The following CDH4 variants were observed in gnomAD, a reference collection of about 807,000 sequenced individuals.
CDH4 encodes the protein cadherin 4.
A neutral mutation model predicts 86.0 loss-of-function variants in CDH4; 33 were observed. The ratio of observed to expected loss-of-function variants is 0.38; its 90% CI spans 0.29 to 0.51. The LOEUF (loss-of-function observed/expected upper bound fraction) is 0.51. CDH4 is among the 20% of genes least tolerant of loss of function. The pLI, the probability that CDH4 is intolerant of heterozygous loss-of-function variation, is 0.86. For missense variants in CDH4, 1,114 were observed against 1,307.4 expected (o/e 0.85, Z 2.28); for synonymous variants, 555 against 549.4 (o/e 1.01, Z -0.14).
intron 2 of CDH4, among the ~76,000 whole-genome samples, chr20:61,664,663 C>CT (rs1480658802): frequency 6.6e-6 from 1 of 152,236 alleles, no homozygotes; most frequent in Non-Finnish European, 1.5e-5. Flanking sequence ...GAGATAGAGC[C>CT]TGGGCAGCCC....
chr20:61,570,372 G>A (rs1472946494), intron 2 of CDH4: 4 of 345,256 alleles, frequency 1.2e-5, no homozygotes, highest in Non-Finnish European at 2.1e-5. Context: ...ACAGGAAAGA[G>A]TGCCCTGGTT....
intron 2 of CDH4, among the ~76,000 whole-genome samples, chr20:61,689,042 A>T (rs1364654430): frequency 6.6e-6 from 1 of 152,240 alleles, no homozygotes; most frequent in East Asian, 1.9e-4. Flanking sequence ...TCTTGGGAGG[A>T]TACCATGTTC....
At chr20:61,742,153 G>A (rs1015321054) in intron 2 of CDH4, among the ~76,000 whole-genome samples, 5 of 147,568 alleles carry the variant, frequency 3.4e-5, no homozygotes, top group Admixed American at 6.7e-5. Context: ...TAATGATTCC[G>A]TCCTTAGAAG....
intron 2 of CDH4, among the ~76,000 whole-genome samples, chr20:61,442,038 C>T (rs766272016): frequency 3.9e-5 from 6 of 152,184 alleles, no homozygotes; most frequent in Non-Finnish European, 5.9e-5. Context: ...GTGATGAGCA[C>T]GAATGTGACC....
intron 2 of CDH4, among the ~76,000 whole-genome samples, chr20:61,549,250 G>A (rs141484419): frequency 1.1e-3 from 168 of 152,236 alleles, no homozygotes; most frequent in Non-Finnish European, 1.9e-3. Context: ...AGTGACAGTC[G>A]CTGGTTAAAG....
chr20:61,375,930 G>A (rs1220950378), intron 2 of CDH4, among the ~76,000 whole-genome samples: 3 of 91,396 alleles, frequency 3.3e-5, no homozygotes, highest in African/African-American at 1.2e-4. Flanking sequence ...TGGTGCTGGT[G>A]ATGATGGTGG....
At position 61,452,129 on chromosome 20, in the gene CDH4, G is replaced by A. The variant is rs557269858; in HGVS notation, c.169+197192G>A. On this transcript the variant is annotated intron_variant, in intron 2 of 15. Coordinates refer to ENST00000614565, the MANE Select transcript of CDH4 (RefSeq NM_001794.5). ...TGCTTGGGCTCCACTGCAGAGTTGC[G>A]CGGCTGGTGGAGGCTTGTGCTCAGG... Among the ~76,000 whole-genome samples the A allele has an allele frequency of 5.9e-5, 9 of 152,268 alleles. No homozygotes were observed. The East Asian group carries it at 9.7e-4, about 16-fold the overall frequency.
chr20:61,771,170 C>G lies in CDH4; in HGVS notation c.397-1833C>G, dbSNP rs2088772337. Among the ~76,000 whole-genome samples the G allele has an allele frequency of 2.0e-5, 3 of 151,582 alleles. No homozygotes were observed. In the East Asian group the frequency reaches 6.1e-4, roughly 31 times the overall value. On this transcript the variant is annotated intron_variant, in intron 3 of 15. Transcript: ENST00000614565. ...GGACTACAGGCATGTGCCACCACAC[C>G]TGCCTAATTTTAGATTTTTAGTAGA...
intron 2 of CDH4, among the ~76,000 whole-genome samples, chr20:61,652,676 C>T (rs1341961514): frequency 6.6e-6 from 1 of 151,858 alleles, no homozygotes; most frequent in East Asian, 1.9e-4. Context: ...TCCATACATC[C>T]CCACCATTGG....
chr20:61,275,005 A>C (rs989745538), intron 2 of CDH4, among the ~76,000 whole-genome samples: 1 of 86,520 alleles, frequency 1.2e-5, no homozygotes, highest in African/African-American at 4.7e-5. Flanking sequence ...CAGTTTGGGG[A>C]AGCACCATGC....
intron 2 of CDH4, among the ~76,000 whole-genome samples, chr20:61,583,647 C>CTG (rs1432773955): frequency 6.6e-6 from 1 of 152,192 alleles, no homozygotes; most frequent in Non-Finnish European, 1.5e-5. Flanking sequence ...TGATCTCTCT[C>CTG]CACTTTCCTC....
chr20:61,545,803 G>A lies in CDH4; in HGVS notation c.170-197760G>A, dbSNP rs566867891. On this transcript the variant is annotated intron_variant, in intron 2 of 15. Transcript: ENST00000614565. ...TGTGCATGTGTTTGGGGGGTATGTG[G>A]GATACGGTGCGTGTTCACATGTGTG... 2.7e-4 allele frequency among the ~76,000 whole-genome samples: 41 copies of A among 151,986 alleles called. 1 individual carries two copies. Among genetic ancestry groups the A allele is most frequent in the Admixed American group, 1.5e-3 (23 of 15,252 alleles).
At chr20:61,521,710 T>C (rs950100868) in intron 2 of CDH4, among the ~76,000 whole-genome samples, 3 of 152,098 alleles carry the variant, frequency 2.0e-5, no homozygotes, top group Non-Finnish European at 2.9e-5. Flanking sequence ...TAATTCATAA[T>C]AAGAGGGGGG....
At chr20:61,463,486 T>C (rs143408223) in intron 2 of CDH4, among the ~76,000 whole-genome samples, 21 of 152,332 alleles carry the variant, frequency 1.4e-4, no homozygotes, top group African/African-American at 4.6e-4. Flanking sequence ...AGGAGTGGAC[T>C]CAGAATCCTG....
intron 2 of CDH4, among the ~76,000 whole-genome samples, chr20:61,384,722 A>C (rs1001885608): frequency 1.3e-5 from 2 of 152,006 alleles, no homozygotes; most frequent in African/African-American, 4.8e-5. Context: ...TTAAATTATA[A>C]ATTCTCTATT....
chr20:61,527,250 A>G (rs1365216140), intron 2 of CDH4, among the ~76,000 whole-genome samples: 2 of 151,610 alleles, frequency 1.3e-5, no homozygotes, highest in Non-Finnish European at 2.9e-5. Context: ...TTTTAAACAT[A>G]AGAGCTTTTT....
At chr20:61,863,002 C>T (rs548059538) in intron 6 of CDH4, among the ~76,000 whole-genome samples, 2 of 152,248 alleles carry the variant, frequency 1.3e-5, no homozygotes, top group African/African-American at 4.8e-5. Context: ...GCACAGATGG[C>T]ACTAGATACT....
chr20:61,858,879 A>T (rs1049822101), intron 6 of CDH4, among the ~76,000 whole-genome samples: 1 of 152,096 alleles, frequency 6.6e-6, no homozygotes, highest in Non-Finnish European at 1.5e-5. Context: ...CCATTCCTGC[A>T]TGGGGTCTCG....
chr20:61,891,967 G>A (rs531628535), intron 7 of CDH4, among the ~76,000 whole-genome samples: 3 of 152,262 alleles, frequency 2.0e-5, no homozygotes, highest in South Asian at 2.1e-4. Context: ...GTCAGCAAAC[G>A]TCTTCTATAA....
Sources: allele counts gnomAD v4.1 joint callset (sites outside exome capture counted in the v4.1 genomes callset), GRCh38; gene constraint gnomAD v4.1.1; transcripts MANE v1.5; gene names NCBI Gene and HGNC (gene_info 2026-07-23, HGNC 2026-07-21).